RIN2: variants seen among roughly 807,000 people sequenced by gnomAD.
RIN2 encodes the protein RAB5 interacting protein 2.
A neutral mutation model predicts 78.0 loss-of-function variants in RIN2; 36 were observed. The observed-to-expected ratio is 0.46, with a 90% CI of 0.35 to 0.61. The LOEUF is 0.61. RIN2 is among the 20% of genes least tolerant of loss of function. The pLI, the probability that RIN2 is intolerant of heterozygous loss-of-function variation, is 0.00. For synonymous variants in RIN2, 466 were observed against 466.8 expected, an observed-to-expected ratio of 1.00 and a Z score of 0.02; for missense variants, 1,087 against 1,159.7, an observed-to-expected ratio of 0.94 and a Z score of 0.91.
chr20:19,918,348 A>G (rs1316094417), intron 3 of RIN2, among the ~76,000 whole-genome samples: 1 of 133,920 alleles, frequency 7.5e-6, no homozygotes, highest in African/African-American at 3.0e-5. Context: ...TCTCATACAA[A>G]TACATTGTGT....
At chr20:19,779,050 T>C (rs1032259867) in intron 1 of RIN2, among the ~76,000 whole-genome samples, 1 of 152,194 alleles carries the variant, frequency 6.6e-6, no homozygotes, top group African/African-American at 2.4e-5. Context: ...TAAGGCCATG[T>C]GGGTGATCCC....
chr20:19,763,117 G>A (rs2033712593), intron 1 of RIN2, among the ~76,000 whole-genome samples: 1 of 152,164 alleles, frequency 6.6e-6, no homozygotes, highest in Non-Finnish European at 1.5e-5. Flanking sequence ...AGGTGCAGTG[G>A]CTCATGCCTG....
At chr20:19,873,923 C>T (rs1368779968) in intron 2 of RIN2, among the ~76,000 whole-genome samples, 1 of 152,194 alleles carries the variant, frequency 6.6e-6, no homozygotes, top group Non-Finnish European at 1.5e-5. Context: ...CGTGCACATA[C>T]ACAGAGGAGC....
chr20:19,912,696 C>G (rs551171430), intron 3 of RIN2, among the ~76,000 whole-genome samples: 61 of 152,162 alleles, frequency 4.0e-4, no homozygotes, highest in Non-Finnish European at 7.9e-4. Flanking sequence ...CCAGGCCAGT[C>G]TCAAACTCCT....
chr20:19,767,922 CAAAAA>C (rs61365306), intron 1 of RIN2, among the ~76,000 whole-genome samples: 1 of 124,624 alleles, frequency 8.0e-6, no homozygotes, highest in African/African-American at 3.1e-5. Context: ...AAAACTGTCT[CAAAAA>C]AAAAAAAAAA....
intron 2 of RIN2, among the ~76,000 whole-genome samples, chr20:19,877,984 CA>C (rs2037909523): frequency 6.6e-6 from 1 of 152,166 alleles, no homozygotes; most frequent in Non-Finnish European, 1.5e-5. Flanking sequence ...TATGCCAGTG[CA>C]TTCTAGTCTG....
intron 2 of RIN2, among the ~76,000 whole-genome samples, chr20:19,859,961 T>A (rs2037283629): frequency 6.6e-6 from 1 of 152,142 alleles, no homozygotes; most frequent in South Asian, 2.1e-4. Flanking sequence ...GTATAGAGTG[T>A]TTTATCAAGC....
At chr20:19,794,415 G>A (rs1462668416) in intron 1 of RIN2, among the ~76,000 whole-genome samples, 2 of 151,840 alleles carry the variant, frequency 1.3e-5, no homozygotes, top group African/African-American at 4.8e-5. Context: ...AATTAGCCAG[G>A]TGAGGTGGCG....
chr20:19,794,478 G>A (rs1276080197), intron 1 of RIN2, among the ~76,000 whole-genome samples: 1 of 138,832 alleles, frequency 7.2e-6, no homozygotes, highest in African/African-American at 2.7e-5. Context: ...GTTGCCTTGA[G>A]CCAAAATTGC....
At chr20:19,985,670 G>C (rs961224938) in intron 9 of RIN2, among the ~76,000 whole-genome samples, 1 of 152,146 alleles carries the variant, frequency 6.6e-6, no homozygotes, top group South Asian at 2.1e-4. Flanking sequence ...CCAGGAGTTC[G>C]AGGCCAACCT....
At position 19,833,203 on chromosome 20, in the gene RIN2, A is replaced by G. The variant is rs75310235; in HGVS notation, c.-37+33456A>G. ...AGTAACAAACCGTCTTTTCAATGAT[A>G]GTCATCTCCTGATATGCTGGTCTTG... On this transcript the variant is annotated intron_variant, in intron 2 of 12. Transcript: ENST00000255006. Among the ~76,000 whole-genome samples, 1,477 of 152,212 alleles carry G rather than the reference A, an allele frequency of 9.7e-3. 24 individuals are homozygous for G. Among genetic ancestry groups the G allele is most frequent in the African/African-American group, 0.032 (1,344 of 41,518 alleles).
At chr20:19,983,599 T>G (rs552770337) in intron 9 of RIN2, among the ~76,000 whole-genome samples, 1 of 133,234 alleles carries the variant, frequency 7.5e-6, no homozygotes, top group South Asian at 2.4e-4. Flanking sequence ...CTACTTTACC[T>G]TTTTAAAAAA....
chr20:19,758,512 CGGAAGGG>C (rs1450111382), intron 1 of RIN2, among the ~76,000 whole-genome samples, 185 bp downstream of exon 1: 1 of 151,616 alleles, frequency 6.6e-6, no homozygotes, highest in Non-Finnish European at 1.5e-5. Context: ...TCGTGGGGAA[CGGAAGGG>C]GGAAGGGGGA....
rs1447549383 is a variant in RIN2 at position 20,002,208 on chromosome 20, A to C, written c.*1272A>C. 6.6e-6 allele frequency: 1 copy of C among 152,320 alleles called. No individual in the cohort carries two copies. The highest frequency in any genetic ancestry group is 1.5e-5 in the Non-Finnish European group (1 of 68,038). 9.4% of individuals were successfully genotyped at this position (152,320 alleles called of 1,614,324 possible). A position where few individuals can be genotyped will look rare whatever the true frequency, so the allele number is the denominator to read the frequency against. ...AAACCAGTTTGCAGGTGCACAAACT[A>C]TGAGGGTCTTGTATCCACGTAACAC... On this transcript the variant is annotated 3_prime_UTR_variant, in exon 13 of 13. Coordinates refer to ENST00000255006, the MANE Select transcript of RIN2 (RefSeq NM_018993.4).
At chr20:19,814,048 T>C (rs1176326301) in intron 2 of RIN2, among the ~76,000 whole-genome samples, 2 of 152,188 alleles carry the variant, frequency 1.3e-5, no homozygotes, top group Non-Finnish European at 2.9e-5. Flanking sequence ...AGAAAAATAG[T>C]CGTATCACGT....
intron 3 of RIN2, among the ~76,000 whole-genome samples, chr20:19,923,469 T>TAAAATAAATA (rs144067000): frequency 1.0e-5 from 1 of 97,120 alleles, no homozygotes; most frequent in Non-Finnish European, 2.2e-5. Flanking sequence ...TAAAATAAAA[T>TAAAATAAATA]AAATAAAATA....
intron 3 of RIN2, among the ~76,000 whole-genome samples, chr20:19,897,595 G>A (rs541325796): frequency 3.3e-5 from 5 of 152,204 alleles, no homozygotes; most frequent in South Asian, 4.2e-4. Context: ...CTGACCCCAC[G>A]TAACCTCCTG....
chr20:19,867,457 T>C (rs1444972588), intron 2 of RIN2, among the ~76,000 whole-genome samples: 2 of 152,240 alleles, frequency 1.3e-5, no homozygotes, highest in African/African-American at 4.8e-5. Flanking sequence ...CAACTGAGGA[T>C]CATTTATTGA....
chr20:19,996,667 T>C lies in RIN2; in HGVS notation c.2201-12T>C, dbSNP rs1157406889. 6.2e-7 allele frequency: 1 copy of C among 1,613,916 alleles called. No individual in the cohort carries two copies. The highest frequency in any genetic ancestry group is 1.3e-5 in the African/African-American group (1 of 74,956). On this transcript the variant is annotated splice_polypyrimidine_tract_variant and intron_variant, in intron 11 of 12. Coordinates refer to ENST00000255006, the MANE Select transcript of RIN2 (RefSeq NM_018993.4). ...TGGCACTGGGAGGACCCACTCTTTC[T>C]GCTCTTTTCAGGAGGCTATTACTTG... is the stretch of plus-strand genomic sequence containing the variant.
Sources: gnomAD v4.1 joint callset for allele counts (sites outside exome capture counted in the v4.1 genomes callset) on GRCh38, gnomAD v4.1.1 for gene constraint, MANE v1.5 for transcripts, NCBI Gene and HGNC (gene_info 2026-07-23, HGNC 2026-07-21) for gene names.